Variants in GALNTL6 observed in about 807,000 individuals in gnomAD.
GALNTL6 encodes the protein polypeptide N-acetylgalactosaminyltransferase like 6, also known as polypeptide N-acetylgalactosaminyltransferase-like 6.
Under a neutral mutation model 73.7 loss-of-function variants are expected in GALNTL6, and 46 were observed. The observed-to-expected ratio is 0.62, with a 90% CI of 0.49 to 0.80. The LOEUF is 0.80. GALNTL6 is among the 30% of genes least tolerant of loss of function. The probability of loss-of-function intolerance (pLI) is 0.00; values close to 1 mark genes in which losing one functional copy is unlikely to be tolerated. For synonymous variants in GALNTL6, 259 were observed against 263.7 expected (o/e 0.98, Z 0.17); for missense variants, 604 against 755.0 (o/e 0.80, Z 2.34).
chr4:171,939,628 A>T (rs907623202), intron 2 of GALNTL6, among the ~76,000 whole-genome samples: 3 of 152,070 alleles, frequency 2.0e-5, no homozygotes, highest in Admixed American at 1.3e-4. Context: ...AAAGATTGAG[A>T]TGAAAGATGA....
At chr4:172,868,308 C>A (rs947198721) in intron 7 of GALNTL6, among the ~76,000 whole-genome samples, 3 of 152,144 alleles carry the variant, frequency 2.0e-5, no homozygotes, top group African/African-American at 7.2e-5. Flanking sequence ...CCACATAAAT[C>A]AAAGCACATG....
chr4:172,160,150 G>A (rs1243631835), intron 2 of GALNTL6, among the ~76,000 whole-genome samples: 2 of 152,032 alleles, frequency 1.3e-5, no homozygotes, highest in African/African-American at 2.4e-5. Context: ...TTGTGTGTGT[G>A]TGTATAAATA....
chr4:171,837,218 AT>A (rs1735115113), intron 2 of GALNTL6, among the ~76,000 whole-genome samples: 1 of 152,172 alleles, frequency 6.6e-6, no homozygotes, highest in South Asian at 2.1e-4. Context: ...ACATGCCCAA[AT>A]TTATGCATGA....
intron 5 of GALNTL6, among the ~76,000 whole-genome samples, chr4:172,363,433 T>C (rs1742446849): frequency 1.3e-5 from 2 of 152,170 alleles, no homozygotes; most frequent in Non-Finnish European, 1.5e-5. Context: ...GTTTCTCTCA[T>C]AGTAAAAGTA....
intron 2 of GALNTL6, among the ~76,000 whole-genome samples, chr4:172,093,937 T>G (rs2110946250): frequency 6.6e-6 from 1 of 152,300 alleles, no homozygotes; most frequent in Admixed American, 6.5e-5. Context: ...TATATTACAA[T>G]GTCATAATAG....
intron 5 of GALNTL6, among the ~76,000 whole-genome samples, chr4:172,438,850 G>T (rs990746849): frequency 5.9e-5 from 9 of 151,852 alleles, no homozygotes; most frequent in Admixed American, 5.3e-4. Context: ...AACCTTGCTT[G>T]ATAATTCTCT....
intron 5 of GALNTL6, among the ~76,000 whole-genome samples, chr4:172,590,236 C>A (rs1178391364): frequency 3.3e-5 from 5 of 152,156 alleles, no homozygotes; most frequent in Non-Finnish European, 7.4e-5. Flanking sequence ...TATTGACTGA[C>A]TTTCAATCTA....
intron 7 of GALNTL6, among the ~76,000 whole-genome samples, chr4:172,849,878 A>G (rs954391847): frequency 1.3e-5 from 2 of 152,206 alleles, no homozygotes; most frequent in Non-Finnish European, 2.9e-5. Context: ...AGGCTGAGGC[A>G]ACGGAGAAGG....
intron 3 of GALNTL6, among the ~76,000 whole-genome samples, chr4:172,270,549 C>T (rs1025115145): frequency 3.2e-4 from 48 of 152,106 alleles, no homozygotes; most frequent in Admixed American, 7.9e-4. Flanking sequence ...TGCACACAGC[C>T]CTCATTTATC....
chr4:172,055,164 T>A (rs1040817258), intron 2 of GALNTL6, among the ~76,000 whole-genome samples: 44 of 152,178 alleles, frequency 2.9e-4, no homozygotes, highest in Middle Eastern at 6.8e-3. Flanking sequence ...AATAAACCAA[T>A]AAGTAGAGAA....
intron 5 of GALNTL6, among the ~76,000 whole-genome samples, chr4:172,631,045 AAACATC>A (rs1739373582): frequency 6.6e-6 from 1 of 152,032 alleles, no homozygotes; most frequent in South Asian, 2.1e-4. Flanking sequence ...TATGTAAATG[AAACATC>A]AACCAATGAA....
At chr4:172,476,593 C>T (rs552247450) in intron 5 of GALNTL6, among the ~76,000 whole-genome samples, 36 of 152,248 alleles carry the variant, frequency 2.4e-4, no homozygotes, top group African/African-American at 7.5e-4. Flanking sequence ...TATAAGCAAC[C>T]GCGTCATCGT....
rs79705259 is a variant in GALNTL6 at position 172,314,566 on chromosome 4, A to C, written c.386+2814A>C. Among the ~76,000 whole-genome samples, 116 of 151,084 alleles carry C rather than the reference A, an allele frequency of 7.7e-4. 2 individuals are homozygous for C. The East Asian group carries it at 0.021, about 27-fold the overall frequency. On this transcript the variant is annotated intron_variant, in intron 4 of 12. Coordinates refer to ENST00000506823, the MANE Select transcript of GALNTL6 (RefSeq NM_001034845.3). ...TTCTAGTACACAATGAAGAATATTT[A>C]AGACAATGTATTTCAGAAATCCTAA...
At chr4:172,259,144 A>G (rs572855775) in intron 3 of GALNTL6, among the ~76,000 whole-genome samples, 1 of 151,498 alleles carries the variant, frequency 6.6e-6, no homozygotes, top group South Asian at 2.1e-4. Flanking sequence ...ACTGGATCAA[A>G]TGGTAGTTCT....
intron 5 of GALNTL6, among the ~76,000 whole-genome samples, chr4:172,528,893 T>G (rs1262060568): frequency 1.4e-5 from 2 of 143,932 alleles, no homozygotes; most frequent in Admixed American, 7.1e-5. Flanking sequence ...CTGTACATAT[T>G]CTCTTATTCC....
chr4:172,689,906 TA>T (rs568645625), intron 5 of GALNTL6, among the ~76,000 whole-genome samples: 1 of 151,556 alleles, frequency 6.6e-6, no homozygotes, highest in African/African-American at 2.4e-5. Flanking sequence ...TCGTGATTTT[TA>T]AAAAAAAATC....
At chr4:172,083,055 G>A (rs527432593) in intron 2 of GALNTL6, among the ~76,000 whole-genome samples, 1 of 152,146 alleles carries the variant, frequency 6.6e-6, no homozygotes, top group Admixed American at 6.5e-5. Flanking sequence ...AAGTCCTCAG[G>A]ACAAAAACTT....
At chr4:172,922,342 A>G (rs564224625) in intron 8 of GALNTL6, among the ~76,000 whole-genome samples, 3 of 152,246 alleles carry the variant, frequency 2.0e-5, no homozygotes, top group African/African-American at 7.2e-5. Context: ...TACTACCAAA[A>G]ATTTCTTTTA....
At chr4:172,639,138 G>T (rs943226293) in intron 5 of GALNTL6, among the ~76,000 whole-genome samples, 10 of 151,984 alleles carry the variant, frequency 6.6e-5, no homozygotes, top group Non-Finnish European at 2.9e-5. Context: ...ATATGTATCT[G>T]GTAGGGAGGG....
Sources: allele counts gnomAD v4.1 joint callset (sites outside exome capture counted in the v4.1 genomes callset), GRCh38; gene constraint gnomAD v4.1.1; transcripts MANE v1.5; gene names NCBI Gene and HGNC (gene_info 2026-07-23, HGNC 2026-07-21).